The following CARD14 variants were observed in gnomAD, a reference collection of about 807,000 sequenced individuals.
The protein encoded by CARD14 is caspase recruitment domain family member 14, also known as caspase recruitment domain-containing protein 14.
A neutral mutation model predicts 111.5 loss-of-function variants in CARD14; 107 were observed. That is an observed-to-expected ratio of 0.96 (90% confidence interval 0.82 to 1.13). The LOEUF is 1.13. CARD14 is among the 50% of genes most tolerant of loss of function. CARD14 has a pLI of 0.00. For missense variants in CARD14, 1,322 were observed against 1,362.3 expected, an observed-to-expected ratio of 0.97 and a Z score of 0.47; for synonymous variants, 617 against 579.6, an observed-to-expected ratio of 1.06 and a Z score of -0.93.
In CARD14 at chr17:80,203,269, C is replaced by CAA. The variant is rs5822329; in HGVS notation, c.2220-539_2220-538dup. On this transcript the variant is annotated intron_variant, in intron 18 of 23. Coordinates refer to ENST00000648509, the MANE Select transcript of CARD14 (RefSeq NM_001366385.1). The surrounding 1 kb of genome is among the most constrained non-coding windows in gnomAD (Gnocchi z 4.6). ...TGGGCGACAGAGTGAGACTCTGTCT[C>CAA]AAAAAAAAAAAAAAAGAAAAGGAAA... 4.6e-5 allele frequency: 5 copies of CAA among 109,714 alleles called. No individual in the cohort carries two copies. Among genetic ancestry groups the CAA allele is most frequent in the South Asian group, 2.9e-4 (1 of 3,410 alleles). 6.8% of individuals were successfully genotyped at this position (109,714 alleles called of 1,614,324 possible). A position where few individuals can be genotyped will look rare whatever the true frequency, so the allele number is the denominator to read the frequency against.
chr17:80,205,016 A>T lies in CARD14; in HGVS notation c.2399-19A>T. The T allele has an allele frequency of 6.5e-7, 1 of 1,542,502 alleles. No homozygotes were observed. On this transcript the variant is annotated intron_variant, in intron 20 of 23. Transcript: ENST00000648509. ...GGCTGCCGCAGCCTCACCCACCCTC[A>T]GGATCCTCTCCTCCACAGGCTCCAG...
Position 80,209,220 on chromosome 17 carries a change from A to T in CARD14, c.*875A>T. Reference sequence around the variant, plus strand: ...GTTGCAGACTGAATGTCATTTTGACAGCAGTGTCCAAGAATCAGGAAGCTG... The same window carrying T: ...GTTGCAGACTGAATGTCATTTTGACTGCAGTGTCCAAGAATCAGGAAGCTG... On this transcript the variant is annotated 3_prime_UTR_variant, in exon 24 of 24. Coordinates refer to ENST00000648509, the MANE Select transcript of CARD14 (RefSeq NM_001366385.1). 1 of 753,414 alleles carries T rather than the reference A, an allele frequency of 1.3e-6. No homozygotes were observed. Among genetic ancestry groups the T allele is most frequent in the Non-Finnish European group, 1.6e-6 (1 of 617,968 alleles). The allele number at this position is 753,414 out of a possible 1,614,324, so 46.7% of individuals were successfully genotyped here. A position where few individuals can be genotyped will look rare whatever the true frequency, so the allele number is the denominator to read the frequency against.
At chr17:80,187,717 G>A in intron 7 of CARD14, 1 of 982,182 alleles carries the variant, frequency 1.0e-6, no homozygotes, top group Non-Finnish European at 1.2e-6. Context: ...CACGGGGAAA[G>A]TCCTGCCTCC....
At chr17:80,194,490 T>C (rs2040640426) in intron 12 of CARD14, among the ~76,000 whole-genome samples, 1 of 152,206 alleles carries the variant, frequency 6.6e-6, no homozygotes, top group African/African-American at 2.4e-5. Flanking sequence ...CCCTCCCTAG[T>C]CACTAACTCA....
chr17:80,182,269 C>T lies in CARD14; in HGVS notation c.212-384C>T, dbSNP rs142096808. On this transcript the variant is annotated intron_variant, in intron 5 of 23. Coordinates refer to ENST00000648509, the MANE Select transcript of CARD14 (RefSeq NM_001366385.1). The surrounding 1 kb of genome is among the most constrained non-coding windows in gnomAD (Gnocchi z 4.7). ...CCACTCTGCTTTCTGTGCGCAGCTCCAAAGCTGACAGCACCGTGGTGGGAC... is the reference window on the plus strand; with the variant it reads ...CCACTCTGCTTTCTGTGCGCAGCTCTAAAGCTGACAGCACCGTGGTGGGAC... Among the ~76,000 whole-genome samples the T allele has an allele frequency of 6.2e-3, 950 of 152,306 alleles. 6 individuals are homozygous for T. The highest frequency in any genetic ancestry group is 0.019 in the African/African-American group (794 of 41,560).
chr17:80,201,788 G>A lies in CARD14; in HGVS notation c.1896G>A (p.Glu632=), dbSNP rs2144429422. 6.2e-7 allele frequency: 1 copy of A among 1,614,032 alleles called. No homozygotes were observed. The highest frequency in any genetic ancestry group is 8.5e-7 in the Non-Finnish European group (1 of 1,179,908). The change falls in exon 17 of 24, where the codon GAG becomes GAA. Residue 632 remains glutamate (E), a synonymous_variant. Coordinates refer to ENST00000648509, the MANE Select transcript of CARD14 (RefSeq NM_001366385.1). The surrounding 1 kb of genome is among the most constrained non-coding windows in gnomAD (Gnocchi z 5.0). The stretch of plus-strand genomic sequence containing the variant: ...AGCCCTTGTTCAAGGCAGTCCTGGA[G>A]GACACGACCCTGGAGGAGGCCGTGG... ...ASEPLFKAVL[E]DTTLEEAVGL...
Position 80,204,344 on chromosome 17 carries a change from G to A in CARD14, c.2398+3G>A, listed in dbSNP as rs371430475. ...GTTGGACCCCAGCAGGATGGAGGGT[G>A]AGGCCTGGTGAGCTGGCACAGGGGC... is the stretch of plus-strand genomic sequence containing the variant. On this transcript the variant is annotated splice_donor_region_variant and intron_variant, in intron 20 of 23. Transcript: ENST00000648509. 1 of 1,553,410 alleles carries A rather than the reference G, an allele frequency of 6.4e-7. No individual in the cohort carries two copies.
intron 7 of CARD14, among the ~76,000 whole-genome samples, chr17:80,185,153 C>T (rs2040303725): frequency 1.3e-5 from 2 of 152,084 alleles, no homozygotes; most frequent in South Asian, 2.1e-4. Context: ...CTCCTGAGCT[C>T]AAGTGATCCC....
At position 80,172,566 on chromosome 17, in the gene CARD14, G is replaced by A. The variant is rs116616359; in HGVS notation, c.-689-340G>A. Among the ~76,000 whole-genome samples the A allele has an allele frequency of 7.9e-3, 1,199 of 152,326 alleles. 18 individuals are homozygous for A. The highest frequency in any genetic ancestry group is 0.026 in the African/African-American group (1,099 of 41,552). The stretch of plus-strand genomic sequence containing the variant: ...GGCTGAGGGGAGCAGGAGAGGAGAC[G>A]TTTCTGCTGGTGTCCCCGCTGTAGC... On this transcript the variant is annotated intron_variant, in intron 1 of 23. Coordinates refer to ENST00000648509, the MANE Select transcript of CARD14 (RefSeq NM_001366385.1).
Position 80,175,437 on chromosome 17 carries a change from T to C in CARD14, c.-367+2209T>C, listed in dbSNP as rs539706841. On this transcript the variant is annotated intron_variant, in intron 2 of 23. Coordinates refer to ENST00000648509, the MANE Select transcript of CARD14 (RefSeq NM_001366385.1). ...GGTACAGGAGGCTGCCCTGATCCTT[T>C]GTTGGGTTTGATCTGGAGACTTTGA... Among the ~76,000 whole-genome samples, 3 of 152,258 alleles carry C rather than the reference T, an allele frequency of 2.0e-5. No individual in the cohort carries two copies. In the East Asian group the frequency reaches 5.8e-4, roughly 29 times the overall value.
chr17:80,205,285 T>TTCCTCCC, intron 21 of CARD14, 80 bp downstream of exon 21: 1 of 993,216 alleles, frequency 1.0e-6, no homozygotes. Context: ...CTTCCTCCCC[T>TTCCTCCC]TCCTCCCTCC....
intron 20 of CARD14, chr17:80,204,815 T>G: frequency 2.0e-6 from 1 of 508,438 alleles, no homozygotes; most frequent in South Asian, 3.4e-5. Context: ...AAGCAGTCCC[T>G]GGAGAGCCAC....
chr17:80,201,597 G>A lies in CARD14; in HGVS notation c.1852-147G>A, dbSNP rs2040977768. On this transcript the variant is annotated intron_variant, in intron 16 of 23. Transcript: ENST00000648509. The surrounding 1 kb of genome is among the most constrained non-coding windows in gnomAD (Gnocchi z 5.0). ...GAAGGCCCCACAGAGGCTCTGGTGT[G>A]TGGCTTTGTTTTGACCAAGGCGTGC... 2 of 782,746 alleles carry A rather than the reference G, an allele frequency of 2.6e-6. No individual in the cohort carries two copies. The highest frequency in any genetic ancestry group is 1.9e-5 in the Admixed American group (1 of 54,002). 48.5% of individuals were successfully genotyped at this position (782,746 alleles called of 1,614,324 possible). A position where few individuals can be genotyped will look rare whatever the true frequency, so the allele number is the denominator to read the frequency against.
chr17:80,182,573 C>A lies in CARD14; in HGVS notation c.212-80C>A. On this transcript the variant is annotated intron_variant, in intron 5 of 23. Transcript: ENST00000648509. The surrounding 1 kb of genome is among the most constrained non-coding windows in gnomAD (Gnocchi z 4.7). ...GGGGGTTTCCCAGCCCCAGGCCTCT[C>A]CCCCGTGGGGAAGCCAGCCAGGGAG... 6.5e-7 allele frequency: 1 copy of A among 1,544,686 alleles called. No individual in the cohort carries two copies. Among genetic ancestry groups the A allele is most frequent in the East Asian group, 2.3e-5 (1 of 42,996 alleles).
rs925268901 is a variant in CARD14 at position 80,198,260 on chromosome 17, C to T, written c.1658+98C>T. 4.5e-6 allele frequency: 7 copies of T among 1,565,554 alleles called. No homozygotes were observed. The Admixed American group carries it at 5.0e-5, about 11-fold the overall frequency. ...GTGTCCTATTACCAATGGGAGGCAA[C>T]AGCCTTTCCAAGCACATGGGGCCAT... On this transcript the variant is annotated intron_variant, in intron 15 of 23. Transcript: ENST00000648509. This position sits in a 1 kb window ranked among gnomAD's most constrained non-coding sequence, Gnocchi z 7.5.
rs73429414 is a variant in CARD14, at chr17:80,198,529, C to T, written c.1789C>T (p.Arg597Trp). The change falls in exon 16 of 24, where the codon CGG becomes TGG. Residue 597 changes from arginine to tryptophan, a missense_variant. Physicochemically the swap from Arg to Trp is moderately radical, Grantham distance 101. Transcript: ENST00000648509. The surrounding 1 kb of genome is among the most constrained non-coding windows in gnomAD (Gnocchi z 7.5). The stretch of plus-strand genomic sequence containing the variant: ...GAACCTCACGGGCATCTTCATCCAC[C>T]GGGTCACCCCGGGCTCGGCGGCGGA... ...GGNLTGIFIH[R>W]VTPGSAADQM... 1.9e-3 allele frequency: 3,100 copies of T among 1,613,262 alleles called. 50 individuals carry two copies. In the African/African-American group the frequency reaches 0.036, roughly 19 times the overall value.
chr17:80,195,771 T>A lies in CARD14; in HGVS notation c.1594+119T>A, dbSNP rs1379932083. 8.3e-6 allele frequency: 7 copies of A among 840,872 alleles called. No homozygotes were observed. In the East Asian group the frequency reaches 1.6e-4, roughly 20 times the overall value. The allele number at this position is 840,872 out of a possible 1,614,324, so 52.1% of individuals were successfully genotyped here. A position where few individuals can be genotyped will look rare whatever the true frequency, so the allele number is the denominator to read the frequency against. ...AGGGCAGATAGAAGCAGAGCTCAAC[T>A]TCTGCCCTGGGCCTTGACCTTGGCC... On this transcript the variant is annotated intron_variant, in intron 14 of 23. Transcript: ENST00000648509. The surrounding 1 kb of genome is among the most constrained non-coding windows in gnomAD (Gnocchi z 4.7).
At chr17:80,199,008 G>A (rs1042523667) in intron 16 of CARD14, 1 of 803,038 alleles carries the variant, frequency 1.2e-6, no homozygotes, top group African/African-American at 1.9e-5. Context: ...GAGTGCTGCG[G>A]TGCGATCACA....
Position 80,189,780 on chromosome 17 carries a change from C to A in CARD14, c.871C>A (p.Leu291Met). ...LAEKDILEQSLDEARGSRQEL... is the reference protein window; with the variant it reads ...LAEKDILEQSMDEARGSRQEL... ...GGAGAAGGACATTCTGGAGCAGAGC[C>A]TGGACGAGGCGCGGGGGAGCCGACA... Residue 291 changes from leucine (L) to methionine (M), a missense_variant, in exon 9 of 24, where the codon CTG (leucine) becomes ATG (methionine). Coordinates refer to ENST00000648509, the MANE Select transcript of CARD14 (RefSeq NM_001366385.1). This position sits in a 1 kb window ranked among gnomAD's most constrained non-coding sequence, Gnocchi z 4.7. 6.3e-7 allele frequency: 1 copy of A among 1,585,940 alleles called. No homozygotes were observed. The highest frequency in any genetic ancestry group is 8.5e-7 in the Non-Finnish European group (1 of 1,169,894).
Sources: allele counts gnomAD v4.1 joint callset (sites outside exome capture counted in the v4.1 genomes callset), GRCh38; gene constraint gnomAD v4.1.1; non-coding constraint Gnocchi (gnomAD v3.1); transcripts MANE v1.5; gene names NCBI Gene and HGNC (gene_info 2026-07-23, HGNC 2026-07-21).